The following MOB3B variants were observed in gnomAD, a reference collection of about 807,000 sequenced individuals.
MOB3B encodes MOB kinase activator-like 2B.
A neutral mutation model predicts 18.7 loss-of-function variants in MOB3B; 7 were observed. The observed-to-expected ratio is 0.37, with a 90% confidence interval of 0.21 to 0.70. MOB3B has a LOEUF of 0.70. Among genes scored for constraint, MOB3B ranks in the 30% least tolerant of loss-of-function variants. The pLI is 0.52. For synonymous variants in MOB3B, 111 were observed against 99.9 expected, an observed-to-expected ratio of 1.11 and a Z score of -0.66; for missense variants, 253 against 281.3, an observed-to-expected ratio of 0.90 and a Z score of 0.72.
At chr9:27,401,487 G>T (rs1050882339) in intron 2 of MOB3B, among the ~76,000 whole-genome samples, 3 of 152,128 alleles carry the variant, frequency 2.0e-5, no homozygotes, top group African/African-American at 7.2e-5. Flanking sequence ...ACAGACAAAG[G>T]CACCCTCATC....
At chr9:27,507,091 C>G (rs769809090) in intron 1 of MOB3B, among the ~76,000 whole-genome samples, 4 of 152,108 alleles carry the variant, frequency 2.6e-5, no homozygotes, top group Non-Finnish European at 4.4e-5. Flanking sequence ...TGCTGTGTGC[C>G]ACATTTAAGA....
chr9:27,525,018 C>T (rs1820413288), intron 1 of MOB3B: 4 of 1,384,340 alleles, frequency 2.9e-6, no homozygotes, highest in South Asian at 1.4e-5. Context: ...TCCTTCTCCT[C>T]CTCCAACTTC....
At chr9:27,414,595 G>T (rs1252544574) in intron 2 of MOB3B, among the ~76,000 whole-genome samples, 1 of 152,212 alleles carries the variant, frequency 6.6e-6, no homozygotes, top group Non-Finnish European at 1.5e-5. Context: ...TGCTACTGAG[G>T]TTATACTCCC....
chr9:27,466,847 G>A (rs564367268), intron 1 of MOB3B, among the ~76,000 whole-genome samples: 2 of 152,160 alleles, frequency 1.3e-5, no homozygotes, highest in African/African-American at 2.4e-5. Context: ...TGGGAATTTT[G>A]GGAGATAAAA....
intron 1 of MOB3B, among the ~76,000 whole-genome samples, chr9:27,504,210 G>A (rs1041047525): frequency 1.3e-5 from 2 of 152,192 alleles, no homozygotes; most frequent in Non-Finnish European, 2.9e-5. Flanking sequence ...GCAAACACAA[G>A]AGGACATGGC....
intron 3 of MOB3B, among the ~76,000 whole-genome samples, chr9:27,349,738 A>G (rs534555864): frequency 6.6e-5 from 10 of 152,334 alleles, no homozygotes; most frequent in South Asian, 4.1e-4. Context: ...CTGATGGGAA[A>G]TCTAGGGAGA....
intron 2 of MOB3B, among the ~76,000 whole-genome samples, chr9:27,430,855 C>A (rs1822407314): frequency 6.6e-6 from 1 of 151,736 alleles, no homozygotes; most frequent in African/African-American, 2.4e-5. Context: ...ACCTTCTAAA[C>A]CCTCCCGTTC....
chr9:27,403,042 T>A (rs1031993995), intron 2 of MOB3B, among the ~76,000 whole-genome samples: 2 of 151,940 alleles, frequency 1.3e-5, no homozygotes, highest in African/African-American at 2.4e-5. Flanking sequence ...GGAAGCAGGT[T>A]AAAAGGGAGA....
chr9:27,462,142 C>T (rs1487271794), intron 1 of MOB3B, among the ~76,000 whole-genome samples: 1 of 152,132 alleles, frequency 6.6e-6, no homozygotes, highest in East Asian at 1.9e-4. Context: ...AAAATTATTA[C>T]AGGATAAAAG....
At chr9:27,493,022 G>T (rs1349544706) in intron 1 of MOB3B, among the ~76,000 whole-genome samples, 1 of 152,194 alleles carries the variant, frequency 6.6e-6, no homozygotes, top group African/African-American at 2.4e-5. Flanking sequence ...GCCACACTTG[G>T]CAAGCAATAG....
intron 2 of MOB3B, among the ~76,000 whole-genome samples, chr9:27,434,906 C>T (rs1347200126): frequency 2.0e-5 from 3 of 152,152 alleles, no homozygotes; most frequent in Non-Finnish European, 2.9e-5. Context: ...GAACATAATA[C>T]ACCACTCTAA....
At chr9:27,406,105 A>G (rs965935865) in intron 2 of MOB3B, among the ~76,000 whole-genome samples, 1 of 152,238 alleles carries the variant, frequency 6.6e-6, no homozygotes, top group African/African-American at 2.4e-5. Flanking sequence ...AATAAAGGGC[A>G]TCTAAATCAG....
intron 1 of MOB3B, among the ~76,000 whole-genome samples, chr9:27,469,527 T>C (rs1323799661): frequency 6.6e-6 from 1 of 152,164 alleles, no homozygotes; most frequent in Non-Finnish European, 1.5e-5. Flanking sequence ...GGAGGCCTGA[T>C]AGCAAGGTCA....
At chr9:27,357,773 C>G (rs936158834) in intron 3 of MOB3B, among the ~76,000 whole-genome samples, 10 of 151,258 alleles carry the variant, frequency 6.6e-5, no homozygotes, top group Non-Finnish European at 1.3e-4. Flanking sequence ...AAAACCTGGC[C>G]AGGCATGGTG....
intron 1 of MOB3B, among the ~76,000 whole-genome samples, chr9:27,492,795 G>C (rs1157686437): frequency 2.0e-5 from 3 of 152,174 alleles, no homozygotes; most frequent in Non-Finnish European, 4.4e-5. Flanking sequence ...TCCAATGTTT[G>C]GGAGTCTGTG....
chr9:27,370,455 C>T (rs941106935), intron 2 of MOB3B, among the ~76,000 whole-genome samples: 1 of 149,894 alleles, frequency 6.7e-6, no homozygotes, highest in African/African-American at 2.5e-5. Flanking sequence ...TTGCGGTGAG[C>T]CAATATTGTA....
intron 1 of MOB3B, among the ~76,000 whole-genome samples, chr9:27,459,160 A>G (rs1322798569): frequency 6.6e-6 from 1 of 152,202 alleles, no homozygotes; most frequent in African/African-American, 2.4e-5. Flanking sequence ...GAGTTTTGAA[A>G]TTAAAAAGGG....
intron 2 of MOB3B, among the ~76,000 whole-genome samples, chr9:27,382,108 T>C (rs562576531): frequency 5.3e-5 from 8 of 152,294 alleles, no homozygotes; most frequent in Admixed American, 2.0e-4. Flanking sequence ...AGCTTTTCCA[T>C]AGTTCAAATG....
intron 3 of MOB3B, among the ~76,000 whole-genome samples, chr9:27,348,356 C>G (rs1821059168): frequency 6.8e-6 from 1 of 146,396 alleles, no homozygotes; most frequent in Non-Finnish European, 1.5e-5. Context: ...TAACATTTCT[C>G]TCTTCAAGAA....
Sources: gnomAD v4.1 joint callset for allele counts (sites outside exome capture counted in the v4.1 genomes callset) on GRCh38, gnomAD v4.1.1 for gene constraint, MANE v1.5 for transcripts, NCBI Gene and HGNC (gene_info 2026-07-23, HGNC 2026-07-21) for gene names.